TBC1D5: variants seen among roughly 807,000 people sequenced by gnomAD.
TBC1D5 encodes TBC1 domain family, member 5.
TBC1D5 carries 75 observed loss-of-function variants against 100.3 expected under a neutral mutation model. That is an observed-to-expected ratio of 0.75 (90% CI 0.62 to 0.91). The LOEUF is 0.91. TBC1D5 is among the 40% of genes least tolerant of loss of function. The pLI is 0.00. For synonymous variants in TBC1D5, 323 were observed against 325.6 expected, an observed-to-expected ratio of 0.99 and a Z score of 0.09; for missense variants, 910 against 942.4, an observed-to-expected ratio of 0.97 and a Z score of 0.45.
At chr3:17,507,564 T>A (rs1361428649) in intron 3 of TBC1D5, among the ~76,000 whole-genome samples, 1 of 152,202 alleles carries the variant, frequency 6.6e-6, no homozygotes, top group African/African-American at 2.4e-5. Context: ...AAAGCAGACT[T>A]TGGCATCAGT....
At chr3:17,469,140 GA>G (rs1366769688) in intron 3 of TBC1D5, among the ~76,000 whole-genome samples, 2 of 151,688 alleles carry the variant, frequency 1.3e-5, no homozygotes, top group East Asian at 3.9e-4. Flanking sequence ...AGAAGGACTA[GA>G]ATTAAGTACC....
intron 1 of TBC1D5, chr3:17,706,350 A>G (rs1000253361): frequency 1.1e-5 from 14 of 1,277,300 alleles, no homozygotes; most frequent in South Asian, 9.2e-5. Context: ...CACATATTTT[A>G]TATTTGAAGG....
chr3:17,560,446 C>G (rs528129320), intron 2 of TBC1D5, among the ~76,000 whole-genome samples: 11 of 151,752 alleles, frequency 7.2e-5, no homozygotes, highest in South Asian at 6.2e-4. Flanking sequence ...AGTGAGACAC[C>G]CTGTCTCTAA....
At chr3:17,717,402 G>A (rs962644046) in intron 1 of TBC1D5, among the ~76,000 whole-genome samples, 2 of 152,090 alleles carry the variant, frequency 1.3e-5, no homozygotes, top group Non-Finnish European at 2.9e-5. Flanking sequence ...AGCATCTACT[G>A]TGTCATGTTC....
intron 8 of TBC1D5, among the ~76,000 whole-genome samples, chr3:17,389,983 G>C (rs889263642): frequency 6.6e-6 from 1 of 151,946 alleles, no homozygotes; most frequent in Non-Finnish European, 1.5e-5. Context: ...TAGCTATCCT[G>C]AAGTACAATT....
intron 13 of TBC1D5, among the ~76,000 whole-genome samples, chr3:17,360,868 C>T (rs2091638971): frequency 6.6e-6 from 1 of 151,800 alleles, no homozygotes; most frequent in African/African-American, 2.4e-5. Flanking sequence ...AATATGACAT[C>T]ATTTGTTTTT....
rs146510568 is a variant in TBC1D5 at position 17,626,846 on chromosome 3, C to T, written c.-100-2933G>A. 1.8e-3 allele frequency among the ~76,000 whole-genome samples: 270 copies of T among 152,142 alleles called. 1 individual carries two copies. Among genetic ancestry groups the T allele is most frequent in the African/African-American group, 6.1e-3 (254 of 41,504 alleles). On this transcript the variant is annotated intron_variant, in intron 1 of 21. Coordinates refer to ENST00000253692, the Ensembl canonical transcript of TBC1D5. ...AAAATGAAAGCATTTTTGTTACTGGCCAGTGGAGGAAAAAACTAGGACAAA... is the reference window on the plus strand; with the variant it reads ...AAAATGAAAGCATTTTTGTTACTGGTCAGTGGAGGAAAAAACTAGGACAAA...
chr3:17,245,845 C>T (rs1312242058), intron 16 of TBC1D5, among the ~76,000 whole-genome samples: 2 of 152,076 alleles, frequency 1.3e-5, no homozygotes, highest in African/African-American at 2.4e-5. Context: ...GAATTATTTT[C>T]TCACCTGTAT....
intron 13 of TBC1D5, among the ~76,000 whole-genome samples, chr3:17,331,617 T>C (rs2086875599): frequency 6.6e-6 from 1 of 152,186 alleles, no homozygotes; most frequent in Admixed American, 6.5e-5. Flanking sequence ...GACACAGCAA[T>C]GAACAAAATA....
At chr3:17,559,911 T>C (rs1167207581) in intron 2 of TBC1D5, among the ~76,000 whole-genome samples, 1 of 152,040 alleles carries the variant, frequency 6.6e-6, no homozygotes, top group African/African-American at 2.4e-5. Context: ...TTTTTAATGA[T>C]AAAAAAGTCC....
intron 8 of TBC1D5, among the ~76,000 whole-genome samples, chr3:17,401,287 A>G (rs1037354989): frequency 6.8e-6 from 1 of 147,498 alleles, no homozygotes; most frequent in Admixed American, 6.8e-5. Context: ...ATACACATAT[A>G]TATGTATGTG....
At chr3:17,354,579 T>G (rs917139795) in intron 13 of TBC1D5, among the ~76,000 whole-genome samples, 1 of 152,066 alleles carries the variant, frequency 6.6e-6, no homozygotes, top group Non-Finnish European at 1.5e-5. Context: ...TAAAGATGCC[T>G]GGGCAGTGTT....
chr3:17,458,518 T>C (rs1392975796), intron 3 of TBC1D5, among the ~76,000 whole-genome samples: 1 of 152,192 alleles, frequency 6.6e-6, no homozygotes, highest in Non-Finnish European at 1.5e-5. Flanking sequence ...TCATCCTTTC[T>C]CATCAGTATA....
At chr3:17,286,460 C>T (rs2081200707) in intron 15 of TBC1D5, among the ~76,000 whole-genome samples, 1 of 152,082 alleles carries the variant, frequency 6.6e-6, no homozygotes, top group South Asian at 2.1e-4. Flanking sequence ...TCAGATTGTC[C>T]TCCTTCTATC....
chr3:17,323,258 A>G (rs568641460), intron 13 of TBC1D5, among the ~76,000 whole-genome samples: 4 of 152,380 alleles, frequency 2.6e-5, no homozygotes, highest in South Asian at 2.1e-4. Flanking sequence ...ATGCAGACTC[A>G]TATCGTGAGG....
intron 13 of TBC1D5, among the ~76,000 whole-genome samples, chr3:17,341,143 C>T (rs968850311): frequency 7.2e-5 from 11 of 152,104 alleles, no homozygotes; most frequent in African/African-American, 2.7e-4. Context: ...ATGGCTAATA[C>T]TTATTTGAGT....
intron 2 of TBC1D5, among the ~76,000 whole-genome samples, chr3:17,559,536 T>C (rs73160959): frequency 0.051 from 7,774 of 152,160 alleles, 631 homozygotes; most frequent in African/African-American, 0.17. Context: ...ATAAAGATCA[T>C]GTTCATACAT....
chr3:17,351,643 G>A (rs1480199840), intron 13 of TBC1D5, among the ~76,000 whole-genome samples: 2 of 151,724 alleles, frequency 1.3e-5, no homozygotes, highest in African/African-American at 4.8e-5. Flanking sequence ...ATGGTTGATG[G>A]GTGCAGCAAA....
intron 2 of TBC1D5, among the ~76,000 whole-genome samples, chr3:17,521,656 T>C (rs1282007321): frequency 6.6e-6 from 1 of 152,038 alleles, no homozygotes; most frequent in Non-Finnish European, 1.5e-5. Context: ...AGTGCATAAT[T>C]TGGGGGGGGA....
Sources: gnomAD v4.1 joint callset for allele counts (sites outside exome capture counted in the v4.1 genomes callset) on GRCh38, gnomAD v4.1.1 for gene constraint, MANE v1.5 for transcripts, NCBI Gene and HGNC (gene_info 2026-07-23, HGNC 2026-07-21) for gene names.